Variants in FTCDNL1 observed in about 807,000 individuals in gnomAD.
FTCDNL1 encodes the protein formiminotransferase cyclodeaminase N-terminal like.
A neutral mutation model predicts 5.9 loss-of-function variants in FTCDNL1; 11 were observed. That is an observed-to-expected ratio of 1.87 (90% CI 1.18 to 3.10). The LOEUF (loss-of-function observed/expected upper bound fraction) is 3.10. Among genes scored for constraint, FTCDNL1 ranks in the 30% most tolerant of loss-of-function variants. The probability of loss-of-function intolerance (pLI) is 0.00; values close to 1 mark genes in which losing one functional copy is unlikely to be tolerated. For synonymous variants in FTCDNL1, 58 were observed against 24.8 expected, an observed-to-expected ratio of 2.34 and a Z score of -3.99; for missense variants, 115 against 65.5, an observed-to-expected ratio of 1.76 and a Z score of -2.61.
chr2:199,766,039 A>G (rs756635748), intron 3 of FTCDNL1, among the ~76,000 whole-genome samples: 1 of 152,134 alleles, frequency 6.6e-6, no homozygotes, highest in African/African-American at 2.4e-5. Context: ...AAGCTTCACT[A>G]TCTTTGCTAC....
At chr2:199,776,007 A>G (rs1470740911) in intron 3 of FTCDNL1, among the ~76,000 whole-genome samples, 5 of 145,566 alleles carry the variant, frequency 3.4e-5, no homozygotes, top group Admixed American at 1.4e-4. Flanking sequence ...TCCACCTCCC[A>G]GGTTCACGCC....
chr2:199,803,760 A>G (rs1261910442), intron 3 of FTCDNL1, among the ~76,000 whole-genome samples: 2 of 152,174 alleles, frequency 1.3e-5, no homozygotes, highest in Non-Finnish European at 2.9e-5. Flanking sequence ...CACCATGCCC[A>G]GCCCAAGGGG....
chr2:199,782,516 G>A (rs1699417659), intron 3 of FTCDNL1, among the ~76,000 whole-genome samples: 1 of 152,178 alleles, frequency 6.6e-6, no homozygotes, highest in Admixed American at 6.5e-5. Context: ...CTACTGGGAA[G>A]GTTCTTAACC....
intron 3 of FTCDNL1, among the ~76,000 whole-genome samples, chr2:199,784,876 A>G (rs1376884670): frequency 6.6e-6 from 1 of 152,254 alleles, no homozygotes; most frequent in South Asian, 2.1e-4. Context: ...GATAGCCTAC[A>G]GCATTCAAGA....
rs1471643727 is a variant in FTCDNL1, at chr2:199,810,462, C to T, written c.*2243G>A. Among the ~76,000 whole-genome samples the T allele has an allele frequency of 1.3e-5, 2 of 152,182 alleles. No individual in the cohort carries two copies. Among genetic ancestry groups the T allele is most frequent in the African/African-American group, 4.8e-5 (2 of 41,432 alleles). On this transcript the variant is annotated 3_prime_UTR_variant, in exon 5 of 5. Coordinates refer to ENST00000420128, the MANE Select transcript of FTCDNL1 (RefSeq NM_001363886.2). ...TTCCCTCACACAGACTTATAAACCT[C>T]GTGCCTTTCTCTTTGTGAAACCTGT...
At chr2:199,680,900 T>C in the FTCDNL1 span, among the ~76,000 whole-genome samples, 1 of 152,180 alleles carries the variant, frequency 6.6e-6, no homozygotes, top group Non-Finnish European at 1.5e-5. Flanking sequence ...TATCTTGTTC[T>C]CACCTGCTCA....
At chr2:199,752,338 C>T in the FTCDNL1 span, among the ~76,000 whole-genome samples, 1 of 152,222 alleles carries the variant, frequency 6.6e-6, no homozygotes, top group Non-Finnish European at 1.5e-5. Flanking sequence ...GACAAATTTA[C>T]ACCCTGTGGT....
intron 3 of FTCDNL1, among the ~76,000 whole-genome samples, chr2:199,832,732 C>G (rs947298267): frequency 7.2e-5 from 11 of 152,058 alleles, no homozygotes; most frequent in African/African-American, 2.2e-4. Flanking sequence ...CTCTGTACCC[C>G]CTCCACAAGG....
chr2:199,752,320 C>T, the FTCDNL1 span, among the ~76,000 whole-genome samples: 2 of 152,174 alleles, frequency 1.3e-5, no homozygotes, highest in Non-Finnish European at 2.9e-5. Flanking sequence ...CTTTTTCTTC[C>T]CTGAGTGGAC....
chr2:199,721,374 G>A, the FTCDNL1 span, among the ~76,000 whole-genome samples: 3 of 152,186 alleles, frequency 2.0e-5, no homozygotes, highest in Admixed American at 6.5e-5. Flanking sequence ...TGCAGTGTTC[G>A]GTTTTCTGTT....
At chr2:199,680,161 T>C in the FTCDNL1 span, among the ~76,000 whole-genome samples, 89 of 152,272 alleles carry the variant, frequency 5.8e-4, 1 homozygote, top group Non-Finnish European at 1.2e-4. Context: ...AAAGATTAAA[T>C]AAATACAGGT....
At chr2:199,747,515 C>T in the FTCDNL1 span, among the ~76,000 whole-genome samples, 1 of 150,136 alleles carries the variant, frequency 6.7e-6, no homozygotes, top group Non-Finnish European at 1.5e-5. Context: ...TTTCCACTAC[C>T]ACTAACCCAC....
chr2:199,750,311 T>C, the FTCDNL1 span, among the ~76,000 whole-genome samples: 1 of 151,846 alleles, frequency 6.6e-6, no homozygotes, highest in Non-Finnish European at 1.5e-5. Flanking sequence ...TGAGCTATTA[T>C]CTCACCACTA....
At chr2:199,756,784 T>G (rs1187070315), downstream of FTCDNL1, among the ~76,000 whole-genome samples, 1 of 152,230 alleles carries the variant, frequency 6.6e-6, no homozygotes, top group African/African-American at 2.4e-5. Context: ...ATGTTGCACA[T>G]GCATCCAGGG....
At chr2:199,835,598 A>T in intron 3 of FTCDNL1, among the ~76,000 whole-genome samples, 1 of 152,174 alleles carries the variant, frequency 6.6e-6, no homozygotes, top group East Asian at 1.9e-4. Flanking sequence ...TAACATCATT[A>T]TATCATTTCT....
chr2:199,668,396 A>G, the FTCDNL1 span, among the ~76,000 whole-genome samples: 1 of 152,316 alleles, frequency 6.6e-6, no homozygotes, highest in African/African-American at 2.4e-5. Context: ...GAAGGTCTTC[A>G]GAAATGGAAA....
At position 199,790,042 on chromosome 2, in the gene FTCDNL1, A is replaced by G. The variant is rs560816631; in HGVS notation, c.212-29207T>C. 2.0e-5 allele frequency among the ~76,000 whole-genome samples: 3 copies of G among 152,304 alleles called. No homozygotes were observed. The East Asian group carries it at 5.8e-4, about 29-fold the overall frequency. Reference sequence around the variant, plus strand: ...ATATAAATGTAATGTCATTTTGATTAGAATTTTGACAAGGTTTTTGCTTTT... The same window carrying G: ...ATATAAATGTAATGTCATTTTGATTGGAATTTTGACAAGGTTTTTGCTTTT... On this transcript the variant is annotated intron_variant, in intron 3 of 3. Transcript: ENST00000416668.
At chr2:199,784,723 C>T (rs1305308162) in intron 3 of FTCDNL1, among the ~76,000 whole-genome samples, 1 of 152,164 alleles carries the variant, frequency 6.6e-6, no homozygotes, top group African/African-American at 2.4e-5. Flanking sequence ...TTGATGTGGG[C>T]TCTCCCCAGG....
chr2:199,752,738 C>CTGTGTGTG, the FTCDNL1 span, among the ~76,000 whole-genome samples: 2 of 25,210 alleles, frequency 7.9e-5, no homozygotes, highest in Non-Finnish European at 2.3e-4. Context: ...ATCTCTCTCT[C>CTGTGTGTG]TCTGTGTGTG....
Sources: gnomAD v4.1 joint callset for allele counts (sites outside exome capture counted in the v4.1 genomes callset) on GRCh38, gnomAD v4.1.1 for gene constraint, MANE v1.5 for transcripts, NCBI Gene and HGNC (gene_info 2026-07-23, HGNC 2026-07-21) for gene names.